FHIT: variants seen among roughly 807,000 people sequenced by gnomAD.
The protein encoded by FHIT is bis(5'-adenosyl)-triphosphatase.
In FHIT, 19 loss-of-function variants were observed where a neutral mutation model predicts 17.9. The ratio of observed to expected loss-of-function variants is 1.06; its 90% CI spans 0.74 to 1.56. The LOEUF (loss-of-function observed/expected upper bound fraction) is 1.56. FHIT is among the 40% of genes most tolerant of loss of function. The probability of loss-of-function intolerance (pLI) is 0.00; values close to 1 mark genes in which losing one functional copy is unlikely to be tolerated. For missense variants in FHIT, 248 were observed against 189.2 expected (o/e 1.31, Z -1.82); for synonymous variants, 81 against 69.7 (o/e 1.16, Z -0.81).
At chr3:59,922,229 G>A (rs1705440022) in intron 8 of FHIT, 117 bp downstream of exon 8, 1 of 934,876 alleles carries the variant, frequency 1.1e-6, no homozygotes, top group African/African-American at 1.6e-5. Flanking sequence ...TTCCAAGTCT[G>A]GCTAAATAGA....
intron 7 of FHIT, among the ~76,000 whole-genome samples, chr3:59,980,682 C>T (rs1392734833): frequency 1.3e-5 from 2 of 152,170 alleles, no homozygotes; most frequent in African/African-American, 4.8e-5. Flanking sequence ...TTTCCCACCA[C>T]TGCCTCATCC....
chr3:60,708,472 T>A (rs1735462), intron 4 of FHIT, among the ~76,000 whole-genome samples: 2 of 152,194 alleles, frequency 1.3e-5, no homozygotes, highest in Admixed American at 1.3e-4. Context: ...TTTACCATCA[T>A]TGGTTTTCAT....
chr3:60,116,010 TA>T (rs1458734234), intron 5 of FHIT, among the ~76,000 whole-genome samples: 1 of 152,194 alleles, frequency 6.6e-6, no homozygotes, highest in Non-Finnish European at 1.5e-5. Flanking sequence ...ATTTTTCAAA[TA>T]TTCTTTAATA....
intron 5 of FHIT, among the ~76,000 whole-genome samples, chr3:60,440,354 T>C (rs1420037186): frequency 1.3e-5 from 2 of 152,102 alleles, no homozygotes; most frequent in African/African-American, 4.8e-5. Flanking sequence ...ATCTGGAAGA[T>C]GGTATATAAA....
intron 4 of FHIT, chr3:60,732,379 T>A: frequency 1.2e-6 from 1 of 805,178 alleles, no homozygotes; most frequent in South Asian, 1.3e-5. Flanking sequence ...AGGATGAAGT[T>A]CTCCTCATCA....
chr3:60,741,932 C>T (rs1376248332), intron 4 of FHIT, among the ~76,000 whole-genome samples: 1 of 152,120 alleles, frequency 6.6e-6, no homozygotes, highest in East Asian at 1.9e-4. Context: ...AAATAGATTC[C>T]CAGGCTCCCC....
intron 7 of FHIT, among the ~76,000 whole-genome samples, chr3:59,994,477 A>T (rs1027081148): frequency 1.3e-5 from 2 of 152,100 alleles, no homozygotes; most frequent in Non-Finnish European, 2.9e-5. Context: ...AAAGAAAAAA[A>T]TCCCATGCCG....
intron 5 of FHIT, among the ~76,000 whole-genome samples, chr3:60,195,800 T>G (rs1470387377): frequency 1.5e-5 from 2 of 136,728 alleles, no homozygotes; most frequent in Admixed American, 1.6e-4. Flanking sequence ...CCACGTGTTC[T>G]CACATACACA....
intron 5 of FHIT, among the ~76,000 whole-genome samples, chr3:60,517,419 C>A (rs529343335): frequency 7.2e-6 from 1 of 138,260 alleles, no homozygotes; most frequent in East Asian, 2.0e-4. Context: ...TAGATAGCAT[C>A]GGAATCATAG....
At chr3:60,905,859 GA>G (rs1232625279) in intron 3 of FHIT, among the ~76,000 whole-genome samples, 2 of 152,238 alleles carry the variant, frequency 1.3e-5, no homozygotes, top group African/African-American at 4.8e-5. Context: ...AATGGAGCTG[GA>G]AGGGTAGGGA....
chr3:60,323,816 C>T (rs1031265142), intron 5 of FHIT, among the ~76,000 whole-genome samples: 9 of 152,140 alleles, frequency 5.9e-5, no homozygotes, highest in African/African-American at 9.7e-5. Context: ...AAACTGTAGC[C>T]GGAAGGGATC....
rs150529299 is a variant in FHIT, at chr3:59,953,559, G to T, written c.280-31145C>A. Among the ~76,000 whole-genome samples, 649 of 152,060 alleles carry T rather than the reference G, an allele frequency of 4.3e-3. 6 individuals carry two copies. The highest frequency in any genetic ancestry group is 0.015 in the African/African-American group (620 of 41,468). ...TATCTTTAGCAAGGTATCTTTCCTCGTTTTTCCCCAACAAAACTCATGCTG... is the reference window on the plus strand; with the variant it reads ...TATCTTTAGCAAGGTATCTTTCCTCTTTTTTCCCCAACAAAACTCATGCTG... On this transcript the variant is annotated intron_variant, in intron 7 of 9. Coordinates refer to ENST00000492590, the MANE Select transcript of FHIT (RefSeq NM_002012.4).
At chr3:60,903,382 A>G (rs571653583) in intron 3 of FHIT, among the ~76,000 whole-genome samples, 78 of 152,340 alleles carry the variant, frequency 5.1e-4, no homozygotes, top group African/African-American at 1.8e-3. Context: ...AACTTTTTAA[A>G]CCCATTTTTG....
At chr3:60,005,297 A>G (rs111854381) in intron 7 of FHIT, among the ~76,000 whole-genome samples, 2 of 137,528 alleles carry the variant, frequency 1.5e-5, no homozygotes, top group African/African-American at 5.5e-5. Flanking sequence ...AAGTTAACAA[A>G]CTAGAAACGG....
intron 8 of FHIT, among the ~76,000 whole-genome samples, chr3:59,775,982 G>A (rs1381729942): frequency 6.6e-6 from 1 of 152,208 alleles, no homozygotes; most frequent in African/African-American, 2.4e-5. Context: ...CCATGATGGA[G>A]CACATTATCC....
rs112691191 is a variant in FHIT at position 60,820,149 on chromosome 3, A to T, written c.-18+1770T>A. On this transcript the variant is annotated intron_variant, in intron 4 of 9. Coordinates refer to ENST00000492590, the MANE Select transcript of FHIT (RefSeq NM_002012.4). ...ACGGTAAAACCCCATCTCTACTAAAAATACAAAAATTAGGTGGGCCTGGTG... is the reference window on the plus strand; with the variant it reads ...ACGGTAAAACCCCATCTCTACTAAATATACAAAAATTAGGTGGGCCTGGTG... Among the ~76,000 whole-genome samples the T allele has an allele frequency of 9.0e-3, 1,369 of 152,174 alleles. 28 individuals are homozygous for T. Among genetic ancestry groups the T allele is most frequent in the African/African-American group, 0.03 (1,260 of 41,494 alleles).
chr3:60,267,796 C>T (rs74477036), intron 5 of FHIT, among the ~76,000 whole-genome samples: 13,805 of 152,168 alleles, frequency 0.091, 780 homozygotes, highest in Non-Finnish European at 0.13. Context: ...TTCTAGATTG[C>T]TGATCACCAC....
At chr3:59,858,717 G>T (rs1050440156) in intron 8 of FHIT, among the ~76,000 whole-genome samples, 4 of 152,008 alleles carry the variant, frequency 2.6e-5, no homozygotes, top group Non-Finnish European at 5.9e-5. Flanking sequence ...AGGATGAGAT[G>T]TACGCAGGTG....
At chr3:59,970,829 A>C (rs1001832466) in intron 7 of FHIT, among the ~76,000 whole-genome samples, 58 of 115,836 alleles carry the variant, frequency 5.0e-4, no homozygotes, top group Admixed American at 1.4e-3. Context: ...TGCACGTCCC[A>C]CTCCAGCCAT....
Sources: allele counts gnomAD v4.1 joint callset (sites outside exome capture counted in the v4.1 genomes callset), GRCh38; gene constraint gnomAD v4.1.1; transcripts MANE v1.5; gene names NCBI Gene and HGNC (gene_info 2026-07-23, HGNC 2026-07-21).